GLIS3: variants seen among roughly 807,000 people sequenced by gnomAD.
The protein encoded by GLIS3 is GLIS family zinc finger 3.
A neutral mutation model predicts 78.6 loss-of-function variants in GLIS3; 53 were observed. That is an observed-to-expected ratio of 0.67 (90% CI 0.54 to 0.85). The LOEUF (loss-of-function observed/expected upper bound fraction) is 0.85, where lower values mean the gene tolerates loss of function less well. Ranked by LOEUF, GLIS3 falls within the 40% of genes least tolerant of loss-of-function variation. The probability of loss-of-function intolerance (pLI) is 0.00; values close to 1 mark genes in which losing one functional copy is unlikely to be tolerated. For synonymous variants in GLIS3, 684 were observed against 509.9 expected (o/e 1.34, Z -4.60); for missense variants, 1,703 against 1,231.1 (o/e 1.38, Z -5.74).
the GLIS3 span, among the ~76,000 whole-genome samples, chr9:4,402,264 G>C: frequency 1.3e-5 from 2 of 152,184 alleles, no homozygotes. Flanking sequence ...CCACCAAGGT[G>C]GTACCTCTAC....
At chr9:3,836,298 G>A (rs796700331) in intron 9 of GLIS3, among the ~76,000 whole-genome samples, 92 of 152,364 alleles carry the variant, frequency 6.0e-4, no homozygotes, top group African/African-American at 2.1e-3. Context: ...CAAGTGGAAG[G>A]AAGGATGTAT....
chr9:3,846,639 C>T (rs766283618), intron 9 of GLIS3, among the ~76,000 whole-genome samples: 1 of 152,152 alleles, frequency 6.6e-6, no homozygotes, highest in Non-Finnish European at 1.5e-5. Flanking sequence ...AAAATGTTTT[C>T]TTAAGCAAAG....
chr9:4,279,521 T>A (rs1312025750), intron 2 of GLIS3, among the ~76,000 whole-genome samples: 1 of 151,590 alleles, frequency 6.6e-6, no homozygotes, highest in Non-Finnish European at 1.5e-5. Context: ...CACTTAAGGG[T>A]GGTGTCTCTT....
chr9:3,844,294 T>C (rs1183058788), intron 9 of GLIS3, among the ~76,000 whole-genome samples: 1 of 152,332 alleles, frequency 6.6e-6, no homozygotes, highest in East Asian at 1.9e-4. Flanking sequence ...ATCAATTGTT[T>C]ACCATATTTA....
the GLIS3 span, among the ~76,000 whole-genome samples, chr9:4,366,739 G>A: frequency 6.6e-6 from 1 of 152,212 alleles, no homozygotes; most frequent in African/African-American, 2.4e-5. Context: ...GTGCCAGTAA[G>A]TTCTGGACAT....
chr9:4,135,362 G>A (rs895498673), intron 2 of GLIS3, among the ~76,000 whole-genome samples: 1 of 152,068 alleles, frequency 6.6e-6, no homozygotes, highest in Non-Finnish European at 1.5e-5. Flanking sequence ...TCTAACAGGT[G>A]AATGTGTATC....
chr9:4,316,961 A>AGGT (rs143613916), intron 2 of GLIS3, among the ~76,000 whole-genome samples: 1 of 151,680 alleles, frequency 6.6e-6, no homozygotes, highest in East Asian at 1.9e-4. Context: ...GTTTTTTAAT[A>AGGT]TGTTTTGCTT....
At chr9:4,199,081 A>G (rs1586953058) in intron 2 of GLIS3, among the ~76,000 whole-genome samples, 1 of 152,332 alleles carries the variant, frequency 6.6e-6, no homozygotes, top group Non-Finnish European at 1.5e-5. Flanking sequence ...CATGGAAAGG[A>G]AAGAACTATA....
the GLIS3 span, among the ~76,000 whole-genome samples, chr9:4,420,203 G>A: frequency 6.6e-6 from 1 of 152,208 alleles, no homozygotes; most frequent in South Asian, 2.1e-4. Context: ...AATCACTGAA[G>A]AGGGGGCCAC....
At chr9:4,234,253 G>C (rs760069838) in intron 2 of GLIS3, among the ~76,000 whole-genome samples, 2 of 152,184 alleles carry the variant, frequency 1.3e-5, no homozygotes, top group African/African-American at 4.8e-5. Flanking sequence ...TTTTAGACAT[G>C]CCTTCCTCAA....
intron 2 of GLIS3, among the ~76,000 whole-genome samples, chr9:4,153,435 A>T (rs1043721512): frequency 6.6e-6 from 1 of 151,838 alleles, no homozygotes; most frequent in Non-Finnish European, 1.5e-5. Context: ...GTGCTTGTGC[A>T]CTCCTGTAAT....
chr9:4,135,276 C>G (rs1172703531), intron 2 of GLIS3, among the ~76,000 whole-genome samples: 3 of 152,036 alleles, frequency 2.0e-5, no homozygotes, highest in Non-Finnish European at 4.4e-5. Flanking sequence ...CTTTAAAAGG[C>G]AAATAATGCA....
At chr9:4,087,875 C>A (rs1481864376) in intron 4 of GLIS3, among the ~76,000 whole-genome samples, 2 of 152,218 alleles carry the variant, frequency 1.3e-5, no homozygotes, top group Non-Finnish European at 2.9e-5. Context: ...GGCCCCTCAA[C>A]ACAGGAATTT....
rs59200130 is a variant in GLIS3, at chr9:4,314,944, G to A, written n.265-4416C>T. On this transcript the variant is annotated intron_variant and non_coding_transcript_variant, in intron 2 of 4. Transcript: ENST00000471664. Reference sequence around the variant, plus strand: ...GAACTCTCAGGGATTCAGAGCTGCTGAGGGTGAAAATGGGAAGCCCCGAAA... The same window carrying A: ...GAACTCTCAGGGATTCAGAGCTGCTAAGGGTGAAAATGGGAAGCCCCGAAA... 1.8e-3 allele frequency among the ~76,000 whole-genome samples: 278 copies of A among 152,348 alleles called. 6 individuals carry two copies. In the East Asian group the frequency reaches 0.049, roughly 27 times the overall value.
chr9:3,879,625 C>T lies in GLIS3; in HGVS notation c.2129-30G>A, dbSNP rs752593409. 27 of 1,612,656 alleles carry T rather than the reference C, an allele frequency of 1.7e-5. 1 individual carries two copies. Among genetic ancestry groups the T allele is most frequent in the African/African-American group, 1.1e-4 (8 of 74,856 alleles). ...AATCAAGGGAGAACAAACATGAGAC[C>T]GTGCCCCAAAGGAAGCCCACGTTTT... On this transcript the variant is annotated intron_variant, in intron 7 of 10. Transcript: ENST00000381971.
chr9:4,380,535 A>G, the GLIS3 span, among the ~76,000 whole-genome samples: 1 of 152,210 alleles, frequency 6.6e-6, no homozygotes, highest in South Asian at 2.1e-4. Flanking sequence ...ACTTTTGCAT[A>G]ATCAGAATCA....
chr9:4,144,497 A>C (rs1260002778), intron 2 of GLIS3, among the ~76,000 whole-genome samples: 4 of 152,238 alleles, frequency 2.6e-5, no homozygotes, highest in Non-Finnish European at 5.9e-5. Flanking sequence ...CCATATAATT[A>C]GATGGTTGTT....
intron 4 of GLIS3, among the ~76,000 whole-genome samples, chr9:4,086,702 A>G (rs1455227581): frequency 6.6e-6 from 1 of 152,174 alleles, no homozygotes; most frequent in Non-Finnish European, 1.5e-5. Context: ...CCACTTGTCA[A>G]AACAGTGCTG....
intron 2 of GLIS3, among the ~76,000 whole-genome samples, chr9:4,166,086 G>A (rs1039396108): frequency 1.5e-4 from 23 of 152,304 alleles, no homozygotes; most frequent in African/African-American, 5.3e-4. Context: ...GCAAAGCATG[G>A]AACTTCTCTG....
Sources: gnomAD v4.1 joint callset for allele counts (sites outside exome capture counted in the v4.1 genomes callset) on GRCh38, gnomAD v4.1.1 for gene constraint, MANE v1.5 for transcripts, NCBI Gene and HGNC (gene_info 2026-07-23, HGNC 2026-07-21) for gene names.